ZDHHC14: variants seen among roughly 807,000 people sequenced by gnomAD.
The protein encoded by ZDHHC14 is zDHHC palmitoyltransferase 14.
ZDHHC14 carries 16 observed loss-of-function variants against 47.7 expected under a neutral mutation model. The observed-to-expected ratio is 0.34, with a 90% confidence interval of 0.23 to 0.51. ZDHHC14 has a LOEUF of 0.51. Among genes scored for constraint, ZDHHC14 ranks in the 20% least tolerant of loss-of-function variants. ZDHHC14 has a pLI of 0.97. For missense variants in ZDHHC14, 515 were observed against 662.5 expected, an observed-to-expected ratio of 0.78 and a Z score of 2.44; for synonymous variants, 293 against 278.9, an observed-to-expected ratio of 1.05 and a Z score of -0.50.
At chr6:157,579,190 G>GTTTTTTTTTTTTTTTT (rs1187065924) in intron 2 of ZDHHC14, among the ~76,000 whole-genome samples, 1 of 63,948 alleles carries the variant, frequency 1.6e-5, no homozygotes, top group African/African-American at 5.5e-5. Context: ...TTGATTCTGT[G>GTTTTTTTTTTTTTTTT]TTTTTTTTTT....
intron 1 of ZDHHC14, among the ~76,000 whole-genome samples, chr6:157,461,223 G>A (rs1196586157): frequency 6.6e-6 from 1 of 152,140 alleles, no homozygotes; most frequent in Non-Finnish European, 1.5e-5. Context: ...AGGAGTTCAC[G>A]CTTCTAACCA....
At chr6:157,504,444 A>C (rs1402359617) in intron 1 of ZDHHC14, among the ~76,000 whole-genome samples, 3 of 120,088 alleles carry the variant, frequency 2.5e-5, no homozygotes, top group African/African-American at 1.1e-4. Flanking sequence ...CACCGCACCC[A>C]GCCTATTTTT....
chr6:157,589,917 C>T (rs534463249), intron 2 of ZDHHC14, among the ~76,000 whole-genome samples: 54 of 152,226 alleles, frequency 3.5e-4, no homozygotes, highest in African/African-American at 1.2e-3. Context: ...ATGGCTTTGA[C>T]CAAAATGCTG....
chr6:157,540,644 A>G (rs560298017), intron 1 of ZDHHC14, among the ~76,000 whole-genome samples: 11 of 152,230 alleles, frequency 7.2e-5, no homozygotes, highest in African/African-American at 2.6e-4. Context: ...TGCTGTGCCA[A>G]CATCATCTTC....
chr6:157,516,469 C>T (rs974192002), intron 1 of ZDHHC14, among the ~76,000 whole-genome samples: 2 of 152,170 alleles, frequency 1.3e-5, no homozygotes, highest in African/African-American at 2.4e-5. Flanking sequence ...GCCATGATGT[C>T]ATTTGTGGAC....
At chr6:157,666,360 T>C (rs1778555945) in intron 8 of ZDHHC14, among the ~76,000 whole-genome samples, 1 of 152,214 alleles carries the variant, frequency 6.6e-6, no homozygotes, top group Non-Finnish European at 1.5e-5. Context: ...CATGATTTAT[T>C]AAGCTAGTAT....
At chr6:157,599,914 G>A (rs917414472) in intron 3 of ZDHHC14, among the ~76,000 whole-genome samples, 6 of 152,202 alleles carry the variant, frequency 3.9e-5, no homozygotes, top group Admixed American at 1.3e-4. Context: ...TTATTTTGCC[G>A]TTGTGTTAAC....
intron 1 of ZDHHC14, among the ~76,000 whole-genome samples, chr6:157,431,348 C>T (rs1327087984): frequency 6.6e-6 from 1 of 152,188 alleles, no homozygotes; most frequent in African/African-American, 2.4e-5. Context: ...GTGCCAGGCT[C>T]CTAGCCCTGG....
chr6:157,487,337 G>A (rs915047918), intron 1 of ZDHHC14, among the ~76,000 whole-genome samples: 3 of 152,210 alleles, frequency 2.0e-5, no homozygotes, highest in South Asian at 2.1e-4. Context: ...CAGTTCCAGC[G>A]CGGTCCTAGT....
At chr6:157,484,295 A>ATATATATACGTATATATATATGTG (rs1562443764) in intron 1 of ZDHHC14, among the ~76,000 whole-genome samples, 2 of 21,368 alleles carry the variant, frequency 9.4e-5, no homozygotes, top group African/African-American at 1.7e-4. Flanking sequence ...ATATATGTGT[A>ATATATATACGTATATATATATGTG]TATATATATA....
In ZDHHC14 at chr6:157,410,974, C is replaced by T. The variant is rs181234104; in HGVS notation, c.245+28708C>T. Among the ~76,000 whole-genome samples the T allele has an allele frequency of 2.6e-3, 399 of 152,314 alleles. 4 individuals are homozygous for T. Among genetic ancestry groups the T allele is most frequent in the Middle Eastern group, 6.8e-3 (2 of 294 alleles). ...CCTCCTAAAGTGCTGGGATTACAGG[C>T]GTGAGCCACCGCGCCTGGCCTTGAT... is the stretch of plus-strand genomic sequence containing the variant. On this transcript the variant is annotated intron_variant, in intron 1 of 8. Coordinates refer to ENST00000359775, the MANE Select transcript of ZDHHC14 (RefSeq NM_024630.3).
chr6:157,615,455 T>G (rs1583023354), intron 3 of ZDHHC14, among the ~76,000 whole-genome samples: 3 of 152,370 alleles, frequency 2.0e-5, no homozygotes. Context: ...GCTGCTGGGC[T>G]GGCCAGCACT....
In ZDHHC14 at chr6:157,653,553, C is replaced by T. The variant is rs756603711; in HGVS notation, c.994C>T (p.Pro332Ser). ...GATCGACAGAAGAGGGTACATCCAG[C>T]CCGACACGCCGCAGCCAGCAGCACC... ...SLIDRRGYIQ[P>S]DTPQPAAPSN... is the part of the protein sequence containing the mutation. The change falls in exon 8 of 9, where the codon CCC (proline) becomes TCC (serine). Residue 332 changes from proline (P) to serine (S), a missense_variant. Pro to Ser is a moderately conservative substitution (Grantham distance 74, BLOSUM62 -1). Transcript: ENST00000359775. The T allele has an allele frequency of 1.9e-6, 3 of 1,613,764 alleles. No individual in the cohort carries two copies. The highest frequency in any genetic ancestry group is 1.7e-5 in the Admixed American group (1 of 60,002).
chr6:157,612,573 TC>T (rs1784793581), intron 3 of ZDHHC14, among the ~76,000 whole-genome samples: 1 of 152,304 alleles, frequency 6.6e-6, no homozygotes, highest in South Asian at 2.1e-4. Flanking sequence ...TATGCTTCCT[TC>T]ATAGCTCTGA....
In ZDHHC14 at chr6:157,502,306, C is replaced by G. The variant is rs1780211461; in HGVS notation, c.246-40279C>G. ...AGACCATTGCATGTAAGCAAGGACA[C>G]CGTGACTGTATGTGAGCCAAAAGTG... On this transcript the variant is annotated intron_variant, in intron 1 of 8. Coordinates refer to ENST00000359775, the MANE Select transcript of ZDHHC14 (RefSeq NM_024630.3). The surrounding 1 kb of genome is among the most constrained non-coding windows in gnomAD (Gnocchi z 4.0). 6.6e-6 allele frequency among the ~76,000 whole-genome samples: 1 copy of G among 152,184 alleles called. No individual in the cohort carries two copies. Among genetic ancestry groups the G allele is most frequent in the African/African-American group, 2.4e-5 (1 of 41,450 alleles).
At chr6:157,646,485 C>T (rs1961521) in intron 6 of ZDHHC14, 26,507 of 151,748 alleles carry the variant, frequency 0.17, 3,221 homozygotes, top group East Asian at 0.37. Context: ...TGGTGGCAGG[C>T]GCTTGTAATC....
intron 1 of ZDHHC14, 126 bp from the exon 2 acceptor site, chr6:157,542,458 GA>G: frequency 4.6e-6 from 6 of 1,312,660 alleles, no homozygotes; most frequent in Non-Finnish European, 6.2e-6. Context: ...ATTTTTAATG[GA>G]AATCAATTTC....
intron 1 of ZDHHC14, among the ~76,000 whole-genome samples, chr6:157,518,314 A>C (rs892530846): frequency 2.8e-5 from 4 of 144,456 alleles, no homozygotes; most frequent in African/African-American, 1.0e-4. Flanking sequence ...CCTGTTGGGC[A>C]GTAGCTCACA....
intron 1 of ZDHHC14, among the ~76,000 whole-genome samples, chr6:157,451,942 T>TGGGGTCCCTAGGAGTGGG (rs1778812997): frequency 3.9e-5 from 6 of 152,270 alleles, no homozygotes; most frequent in African/African-American, 1.2e-4. Flanking sequence ...AGTGCCTGCT[T>TGGGGTCCCTAGGAGTGGG]GGGGTCCCTA....
Sources: gnomAD v4.1 joint callset for allele counts (sites outside exome capture counted in the v4.1 genomes callset) on GRCh38, gnomAD v4.1.1 for gene constraint, Gnocchi (gnomAD v3.1) non-coding constraint, MANE v1.5 for transcripts, NCBI Gene and HGNC (gene_info 2026-07-23, HGNC 2026-07-21) for gene names.